The following MYH7B variants were observed in gnomAD, a reference collection of about 807,000 sequenced individuals.
The protein encoded by MYH7B is myosin heavy chain 7B.
Under a neutral mutation model 234.5 loss-of-function variants are expected in MYH7B, and 205 were observed. The ratio of observed to expected loss-of-function variants is 0.87; its 90% CI spans 0.78 to 0.98. The LOEUF is 0.98. MYH7B is among the 50% of genes least tolerant of loss of function. The pLI is 0.00. For missense variants in MYH7B, 2,652 were observed against 2,633.4 expected (o/e 1.01, Z -0.15); for synonymous variants, 1,193 against 1,105.0 (o/e 1.08, Z -1.58).
Position 34,989,831 on chromosome 20 carries a change from C to T in MYH7B, c.1679C>T (p.Ala560Val), listed in dbSNP as rs373446615. ...CGGGCCAAGCTCTACGACAACCACG[C>T]GGGGAAGTCACCCAATTTCCAGCAG... The change falls in exon 20 of 45, where the codon GCG (alanine) becomes GTG (valine). Residue 560 changes from alanine (A) to valine (V), a missense_variant. By Grantham distance (64) the Ala-to-Val change is moderately conservative. Around this residue, in one of 3 missense-constraint regions of MYH7B, gnomAD observed 2,279 missense variants for 2,211.4 expected, o/e 1.03. Transcript: ENST00000262873. 6.3e-5 allele frequency: 101 copies of T among 1,614,170 alleles called. No homozygotes were observed. Among genetic ancestry groups the T allele is most frequent in the Middle Eastern group, 3.3e-4 (2 of 6,062 alleles).
chr20:34,996,861 T>C (rs1261100860), intron 30 of MYH7B, 103 bp downstream of exon 30: 3 of 1,495,866 alleles, frequency 2.0e-6, no homozygotes, highest in Non-Finnish European at 2.7e-6. Flanking sequence ...AGGTTAAGGG[T>C]GGGGGTTGAC....
exon 37 of MYH7B, chr20:34,999,657 G>C (rs1177758329): frequency 6.2e-7 from 1 of 1,613,744 alleles, no homozygotes; most frequent in Non-Finnish European, 8.5e-7. Flanking sequence ...GCTGGAAGGC[G>C]AGAAGAGTGA....
Position 34,963,054 on chromosome 20 carries a change from C to T in MYH7B, c.-222+4842C>T, listed in dbSNP as rs755170370. On this transcript the variant is annotated intron_variant, in intron 2 of 44. Coordinates refer to ENST00000262873, the Ensembl canonical transcript of MYH7B. ...CAGAGGTTACAGTGAGCTGAGATCG[C>T]GACACTGCACTCCAGCCTGGGTGAC... is the stretch of plus-strand genomic sequence containing the variant. Among the ~76,000 whole-genome samples the T allele has an allele frequency of 3.5e-4, 54 of 152,178 alleles. 1 individual carries two copies. The highest frequency in any genetic ancestry group is 2.0e-3 in the Admixed American group (31 of 15,286).
At position 34,995,593 on chromosome 20, in the gene MYH7B, A is replaced by G. The variant is rs1323399690; in HGVS notation, c.2943+15A>G. 1 of 1,612,990 alleles carries G rather than the reference A, an allele frequency of 6.2e-7. No individual in the cohort carries two copies. The highest frequency in any genetic ancestry group is 1.1e-5 in the South Asian group (1 of 91,074). On this transcript the variant is annotated intron_variant, in intron 28 of 44. Transcript: ENST00000262873. Reference sequence around the variant, plus strand: ...CTGAGAACAAGGTGTGGGCCGGGCCAGCTGTGGGGAAGGGCCCTGAGCCAG... The same window carrying G: ...CTGAGAACAAGGTGTGGGCCGGGCCGGCTGTGGGGAAGGGCCCTGAGCCAG...
At chr20:35,000,867 G>A (rs750702462) in exon 40 of MYH7B, 2 of 1,613,482 alleles carry the variant, frequency 1.2e-6, no homozygotes, top group East Asian at 2.2e-5. Flanking sequence ...GGAGGCTGAG[G>A]AGAAGGCCAA....
At chr20:35,001,893 C>G in intron 43 of MYH7B, 55 bp from the exon 44 acceptor site, 1 of 1,576,360 alleles carries the variant, frequency 6.3e-7, no homozygotes. Flanking sequence ...GGGCAGGGAC[C>G]AGAATAAGCA....
chr20:34,980,504 C>CT, intron 7 of MYH7B, 74 bp from the exon 8 acceptor site: 1 of 1,364,118 alleles, frequency 7.3e-7, no homozygotes, highest in Non-Finnish European at 1.0e-6. Context: ...TGCCGTTGTA[C>CT]TCCAGCCTGG....
At chr20:34,981,273 G>A in intron 9 of MYH7B, 2 of 548,062 alleles carry the variant, frequency 3.6e-6, no homozygotes, top group Non-Finnish European at 3.1e-6. Context: ...GATAGGGAGG[G>A]GACACCCACA....
intron 2 of MYH7B, among the ~76,000 whole-genome samples, chr20:34,962,579 A>C (rs4911165): frequency 0.35 from 53,805 of 152,012 alleles, 10,839 homozygotes; most frequent in African/African-American, 0.55. Context: ...TATAAACTAT[A>C]TGCATCCTCT....
At chr20:34,977,654 G>A (rs762451146) in exon 4 of MYH7B, 78 of 1,577,664 alleles carry the variant, frequency 4.9e-5, no homozygotes, top group Non-Finnish European at 6.4e-5. Context: ...GGGTAGCAGA[G>A]CTTCCTGCCC....
At chr20:34,978,033 T>A in exon 5 of MYH7B, 1 of 1,613,430 alleles carries the variant, frequency 6.2e-7, no homozygotes, top group Non-Finnish European at 8.5e-7. Flanking sequence ...ACTTGGGGAG[T>A]CTGCCCGCTA....
exon 45 of MYH7B, chr20:35,002,276 C>T (rs1301913601): frequency 4.6e-5 from 66 of 1,432,370 alleles, no homozygotes; most frequent in African/African-American, 7.1e-5. Flanking sequence ...ATCTCTGCAT[C>T]GCCCCCTGCT....
chr20:34,996,383 A>T (rs753494646), exon 29 of MYH7B: 2 of 1,609,402 alleles, frequency 1.2e-6, no homozygotes, highest in South Asian at 1.1e-5. Context: ...GCGCTGGACG[A>T]GTCAGTGGCC....
At chr20:34,971,054 T>C (rs1319570300) in intron 2 of MYH7B, among the ~76,000 whole-genome samples, 1 of 152,126 alleles carries the variant, frequency 6.6e-6, no homozygotes. Flanking sequence ...CAGCTGTTCA[T>C]GTTAATCACT....
In MYH7B at chr20:34,996,638, A is replaced by G. The variant is rs199645504; in HGVS notation, c.3146A>G (p.Lys1049Arg). ...CTGGAATGCTCCCTGGAGCAGGAGA[A>G]GAAGCTGCGCATGGACACGGAGCGG... Residue 1049 changes from lysine to arginine, a missense_variant, in exon 30 of 45, where the codon AAG becomes AGG. Around this residue, in one of 3 missense-constraint regions of MYH7B, gnomAD observed 2,279 missense variants for 2,211.4 expected, o/e 1.03. Transcript: ENST00000262873. 3.4e-4 allele frequency: 553 copies of G among 1,612,832 alleles called. No homozygotes were observed. Among genetic ancestry groups the G allele is most frequent in the Non-Finnish European group, 4.4e-4 (523 of 1,179,674 alleles).
At chr20:34,993,346 G>A in exon 26 of MYH7B, 1 of 1,614,108 alleles carries the variant, frequency 6.2e-7, no homozygotes, top group Non-Finnish European at 8.5e-7. Context: ...GTTCTTCAAG[G>A]CTGGGCTTCT....
chr20:34,982,237 C>T (rs532376686), intron 9 of MYH7B, among the ~76,000 whole-genome samples: 2 of 152,196 alleles, frequency 1.3e-5, no homozygotes, highest in African/African-American at 4.8e-5. Context: ...GTGCCGGGCA[C>T]TGAGTTAGTC....
intron 13 of MYH7B, among the ~76,000 whole-genome samples, chr20:34,985,896 CAG>C (rs1341374912): frequency 1.3e-5 from 2 of 152,176 alleles, no homozygotes; most frequent in African/African-American, 2.4e-5. Context: ...CCCATCTGGC[CAG>C]AGACACAGAC....
chr20:34,976,443 C>T (rs541834950), intron 3 of MYH7B, among the ~76,000 whole-genome samples: 37 of 152,308 alleles, frequency 2.4e-4, no homozygotes, highest in African/African-American at 8.7e-4. Flanking sequence ...CTTTCATTCT[C>T]GATTCTAAAA....
Sources: gnomAD v4.1 joint callset for allele counts (sites outside exome capture counted in the v4.1 genomes callset) on GRCh38, gnomAD v4.1.1 for gene constraint, gnomAD v4.1.1 regional missense constraint, MANE v1.5 for transcripts, NCBI Gene and HGNC (gene_info 2026-07-23, HGNC 2026-07-21) for gene names.